ERCC6L2: variants seen among roughly 807,000 people sequenced by gnomAD.
ERCC6L2 encodes ERCC excision repair 6 like 2, also known as DNA excision repair protein ERCC-6-like 2.
Under a neutral mutation model 132.0 loss-of-function variants are expected in ERCC6L2, and 77 were observed. The observed-to-expected ratio is 0.58, with a 90% confidence interval of 0.49 to 0.71. The LOEUF (loss-of-function observed/expected upper bound fraction) is 0.71. Among genes scored for constraint, ERCC6L2 ranks in the 30% least tolerant of loss-of-function variants. ERCC6L2 has a pLI of 0.00. For synonymous variants in ERCC6L2, 583 were observed against 632.4 expected (o/e 0.92, Z 1.17); for missense variants, 1,542 against 1,837.6 (o/e 0.84, Z 2.94).
intron 19 of ERCC6L2, among the ~76,000 whole-genome samples, chr9:96,029,318 A>AC (rs199650870): frequency 2.2e-4 from 33 of 148,390 alleles, no homozygotes; most frequent in Non-Finnish European, 3.3e-4. Flanking sequence ...AAAAAAAAAA[A>AC]AAAAACAAAA....
chr9:96,005,096 G>A (rs1241414819), intron 18 of ERCC6L2, among the ~76,000 whole-genome samples: 1 of 152,166 alleles, frequency 6.6e-6, no homozygotes, highest in Non-Finnish European at 1.5e-5. Flanking sequence ...GGTGGATCAC[G>A]AGGTCAGGAG....
chr9:96,032,364 G>A (rs185926869), intron 19 of ERCC6L2, among the ~76,000 whole-genome samples: 2 of 152,204 alleles, frequency 1.3e-5, no homozygotes, highest in Admixed American at 6.5e-5. Flanking sequence ...GCCTTCCTCC[G>A]CATCCTCTTC....
rs148305949 is a variant in ERCC6L2, at chr9:95,923,324, G to A, written c.1478G>A (p.Ser493Asn). The A allele has an allele frequency of 6.3e-5, 102 of 1,613,892 alleles. No individual in the cohort carries two copies. The South Asian group carries it at 1.1e-3, about 17-fold the overall frequency. ...AGATTCCCAGATTTTGTGCAGAAAA[G>A]CAAAGATGCAGCCTTTGAAACACTT... Reference protein sequence around the residue: ...FSRFPDFVQKSKDAAFETLSD... With the variant: ...FSRFPDFVQKNKDAAFETLSD... Residue 493 changes from serine (S) to asparagine (N), a missense_variant, in exon 9 of 19, where the codon AGC becomes AAC. Around this residue, in one of 4 missense-constraint regions of ERCC6L2, gnomAD observed 945 missense variants for 1,105.2 expected, o/e 0.86. Transcript: ENST00000653738.
At chr9:95,933,076 C>G (rs891043114) in intron 11 of ERCC6L2, among the ~76,000 whole-genome samples, 13 of 152,124 alleles carry the variant, frequency 8.5e-5, no homozygotes, top group African/African-American at 3.1e-4. Flanking sequence ...GTTATTACTT[C>G]AGAATCTCTT....
intron 19 of ERCC6L2, among the ~76,000 whole-genome samples, chr9:96,023,963 T>C (rs1024122357): frequency 1.3e-5 from 2 of 152,232 alleles, no homozygotes; most frequent in Non-Finnish European, 2.9e-5. Flanking sequence ...TTTCTCTTCC[T>C]CATGATGGGT....
At chr9:95,959,746 T>A (rs1432863515) in intron 13 of ERCC6L2, among the ~76,000 whole-genome samples, 2 of 149,834 alleles carry the variant, frequency 1.3e-5, no homozygotes, top group Non-Finnish European at 3.0e-5. Flanking sequence ...CAAAAAAAAA[T>A]TATGTTCTTA....
chr9:95,881,840 T>A (rs1007874008), intron 2 of ERCC6L2, among the ~76,000 whole-genome samples: 1 of 152,260 alleles, frequency 6.6e-6, no homozygotes, highest in African/African-American at 2.4e-5. Context: ...TTTGTTGTAG[T>A]TAATCTGTTT....
intron 19 of ERCC6L2, among the ~76,000 whole-genome samples, chr9:96,030,137 C>T (rs991365166): frequency 2.6e-5 from 4 of 152,118 alleles, no homozygotes; most frequent in African/African-American, 7.2e-5. Context: ...CACCAGTCAT[C>T]GCTCCGTGGC....
At chr9:96,003,064 G>A (rs1221283459) in intron 17 of ERCC6L2, among the ~76,000 whole-genome samples, 6 of 151,926 alleles carry the variant, frequency 3.9e-5, no homozygotes, top group African/African-American at 1.2e-4. Flanking sequence ...ATGCCACTGC[G>A]CTCCAGCCTG....
intron 17 of ERCC6L2, among the ~76,000 whole-genome samples, chr9:95,984,250 G>A (rs1472740012): frequency 1.3e-5 from 2 of 148,730 alleles, no homozygotes; most frequent in Admixed American, 6.8e-5. Flanking sequence ...TATATGTTAT[G>A]TAACTACATA....
intron 12 of ERCC6L2, among the ~76,000 whole-genome samples, chr9:95,944,667 T>G (rs1189949683): frequency 9.3e-6 from 1 of 107,032 alleles, no homozygotes; most frequent in African/African-American, 3.4e-5. Flanking sequence ...CCCCAATATT[T>G]TACATAGGTT....
chr9:95,928,606 AG>A, intron 10 of ERCC6L2, 112 bp from the exon 11 acceptor site: 1 of 956,398 alleles, frequency 1.0e-6, no homozygotes, highest in Non-Finnish European at 1.5e-6. Context: ...TGGAATTATA[AG>A]AAAGAAATTA....
At chr9:96,006,434 A>C (rs894943325) in intron 18 of ERCC6L2, among the ~76,000 whole-genome samples, 1 of 152,232 alleles carries the variant, frequency 6.6e-6, no homozygotes, top group South Asian at 2.1e-4. Flanking sequence ...GCAGCCTGGG[A>C]AGCAGTGCTC....
chr9:95,934,625 T>C (rs191472813), intron 11 of ERCC6L2, among the ~76,000 whole-genome samples: 18 of 152,222 alleles, frequency 1.2e-4, no homozygotes, highest in Admixed American at 3.3e-4. Context: ...CATTCTTGGT[T>C]TTGACTTTCA....
intron 2 of ERCC6L2, among the ~76,000 whole-genome samples, chr9:95,884,035 A>G (rs1827737541): frequency 6.6e-6 from 1 of 152,210 alleles, no homozygotes; most frequent in South Asian, 2.1e-4. Flanking sequence ...ACTTTATTTT[A>G]CAGTTCATAG....
chr9:95,941,483 G>A lies in ERCC6L2; in HGVS notation c.1781G>A (p.Gly594Asp). 6.2e-7 allele frequency: 1 copy of A among 1,612,800 alleles called. No homozygotes were observed. Among genetic ancestry groups the A allele is most frequent in the Non-Finnish European group, 8.5e-7 (1 of 1,179,474 alleles). Residue 594 changes from glycine to aspartate, a missense_variant, in exon 12 of 19, where the codon GGT (glycine) becomes GAT (aspartate). This residue lies in a region of ERCC6L2 where 945 missense variants were observed against 1,105.2 expected (regional missense o/e 0.86). Coordinates refer to ENST00000653738, the MANE Select transcript of ERCC6L2 (RefSeq NM_020207.7). Reference sequence around the variant, plus strand: ...GGTGGACTAGGCCTCAATTTTGTCGGTGCCAATGTTGTTGTATTATTTGAT... The same window carrying A: ...GGTGGACTAGGCCTCAATTTTGTCGATGCCAATGTTGTTGTATTATTTGAT... ...MAGGLGLNFV[G>D]ANVVVLFDPT...
chr9:95,989,066 G>A (rs986773822), intron 17 of ERCC6L2, among the ~76,000 whole-genome samples: 2 of 152,198 alleles, frequency 1.3e-5, no homozygotes, highest in African/African-American at 4.8e-5. Context: ...GAGGTGCAGA[G>A]CTTCCACACT....
chr9:95,959,142 A>G (rs530873926), intron 13 of ERCC6L2, among the ~76,000 whole-genome samples: 1 of 151,998 alleles, frequency 6.6e-6, no homozygotes, highest in Admixed American at 6.6e-5. Context: ...CTACAAGGCT[A>G]CAGTAACCAA....
At position 95,975,471 on chromosome 9, in the gene ERCC6L2, C is replaced by CTTTTT. The variant is rs572855007; in HGVS notation, c.3337+2396_3337+2400dup. Among the ~76,000 whole-genome samples the CTTTTT allele has an allele frequency of 7.4e-3, 819 of 111,206 alleles. 9 individuals carry two copies. The highest frequency in any genetic ancestry group is 0.012 in the Non-Finnish European group (656 of 53,682). The allele number at this position is 111,206 out of a possible 152,430, so 73.0% of individuals were successfully genotyped here. A position where few individuals can be genotyped will look rare whatever the true frequency, so the allele number is the denominator to read the frequency against. On this transcript the variant is annotated intron_variant, in intron 16 of 18. Transcript: ENST00000653738. ...GGCATAAAGTGTGGTATTATATGTT[C>CTTTTT]TTTTTTTTTTTTTTTTTGCCTCTCC...
Sources: allele counts gnomAD v4.1 joint callset (sites outside exome capture counted in the v4.1 genomes callset), GRCh38; gene constraint gnomAD v4.1.1; regional missense constraint gnomAD v4.1.1; transcripts MANE v1.5; gene names NCBI Gene and HGNC (gene_info 2026-07-23, HGNC 2026-07-21).